Variants in KLHL1 observed in about 807,000 individuals in gnomAD.
KLHL1 encodes the protein kelch like family member 1.
In KLHL1, 47 loss-of-function variants were observed where a neutral mutation model predicts 77.7. The ratio of observed to expected loss-of-function variants is 0.60; its 90% confidence interval spans 0.48 to 0.77. The LOEUF is 0.77. KLHL1 is among the 30% of genes least tolerant of loss of function. The probability of loss-of-function intolerance (pLI) is 0.00; values close to 1 mark genes in which losing one functional copy is unlikely to be tolerated. For synonymous variants in KLHL1, 360 were observed against 325.2 expected (o/e 1.11, Z -1.15); for missense variants, 925 against 910.8 (o/e 1.02, Z -0.20).
At chr13:70,030,982 T>C (rs968469412) in intron 1 of KLHL1, among the ~76,000 whole-genome samples, 6 of 152,234 alleles carry the variant, frequency 3.9e-5, no homozygotes, top group Middle Eastern at 6.8e-3. Context: ...GCAAATAAAC[T>C]AGAAAATCTA....
chr13:69,851,385 C>T (rs1879683812), intron 5 of KLHL1, among the ~76,000 whole-genome samples: 1 of 151,674 alleles, frequency 6.6e-6, no homozygotes, highest in Admixed American at 6.6e-5. Context: ...ACTGAGGAGC[C>T]TGATGCAGAC....
rs1873625683 is a variant in KLHL1, at chr13:69,733,222, A to G, written c.1802+7172T>C. Among the ~76,000 whole-genome samples the G allele has an allele frequency of 2.0e-5, 3 of 149,836 alleles. No homozygotes were observed. In the South Asian group the frequency reaches 6.2e-4, roughly 31 times the overall value. The stretch of plus-strand genomic sequence containing the variant: ...AAAAGTTTGGGTTATACAAACACAT[A>G]TGAAAGATAAAAAAAAAATCACTGA... On this transcript the variant is annotated intron_variant, in intron 8 of 10. Transcript: ENST00000377844.
At position 69,917,392 on chromosome 13, in the gene KLHL1, C is replaced by G. The variant is rs187913364; in HGVS notation, c.1014+22648G>C. Among the ~76,000 whole-genome samples, 618 of 152,194 alleles carry G rather than the reference C, an allele frequency of 4.1e-3. 2 individuals carry two copies. Among genetic ancestry groups the G allele is most frequent in the Non-Finnish European group, 5.3e-3 (360 of 67,984 alleles). ...AGTAAGAAACTCCATATTACATTCACAATGACTGTAAATGTCTACTTTTTA... is the reference window on the plus strand; with the variant it reads ...AGTAAGAAACTCCATATTACATTCAGAATGACTGTAAATGTCTACTTTTTA... On this transcript the variant is annotated intron_variant, in intron 4 of 10. Coordinates refer to ENST00000377844, the MANE Select transcript of KLHL1 (RefSeq NM_020866.3).
In KLHL1 at chr13:69,802,898, C is replaced by G. The variant is rs919292687; in HGVS notation, c.1415-5936G>C. ...CTTGTCCTGCTACATTTCTGGGTTC[C>G]TACAATGTCCATTGATTATTTTCTA... is the stretch of plus-strand genomic sequence containing the variant. On this transcript the variant is annotated intron_variant, in intron 6 of 10. Coordinates refer to ENST00000377844, the MANE Select transcript of KLHL1 (RefSeq NM_020866.3). 4.6e-5 allele frequency: 7 copies of G among 152,066 alleles called. 1 individual carries two copies. Among genetic ancestry groups the G allele is most frequent in the African/African-American group, 1.7e-4 (7 of 41,398 alleles). 9.4% of individuals were successfully genotyped at this position (152,066 alleles called of 1,614,324 possible). A position where few individuals can be genotyped will look rare whatever the true frequency, so the allele number is the denominator to read the frequency against.
At chr13:70,027,126 G>A (rs1008915646) in intron 1 of KLHL1, among the ~76,000 whole-genome samples, 4 of 152,028 alleles carry the variant, frequency 2.6e-5, no homozygotes, top group African/African-American at 4.8e-5. Context: ...AATGAGAATA[G>A]AATGATTTAG....
chr13:69,967,514 G>T (rs1165772166), intron 2 of KLHL1, among the ~76,000 whole-genome samples: 1 of 152,176 alleles, frequency 6.6e-6, no homozygotes, highest in Non-Finnish European at 1.5e-5. Context: ...GATGAGCAAA[G>T]AAAATGATTC....
chr13:70,105,957 T>C (rs991993657), intron 1 of KLHL1, among the ~76,000 whole-genome samples: 2 of 150,700 alleles, frequency 1.3e-5, no homozygotes, highest in Non-Finnish European at 3.0e-5. Context: ...CATTAGAATA[T>C]GTTCAATCTC....
chr13:69,731,177 C>T (rs2137914233), intron 8 of KLHL1, among the ~76,000 whole-genome samples: 1 of 151,846 alleles, frequency 6.6e-6, no homozygotes, highest in African/African-American at 2.4e-5. Flanking sequence ...AGTAAAGTGA[C>T]AATATTAACA....
At chr13:69,787,671 A>G (rs1295332078) in intron 7 of KLHL1, among the ~76,000 whole-genome samples, 1 of 152,212 alleles carries the variant, frequency 6.6e-6, no homozygotes, top group Admixed American at 6.5e-5. Context: ...GGATCTAATT[A>G]AACTAAAGAG....
In KLHL1 at chr13:69,778,862, A is replaced by T. The variant is rs577068019; in HGVS notation, c.1639+17876T>A. On this transcript the variant is annotated intron_variant, in intron 7 of 10. Transcript: ENST00000377844. ...CACCGAGGCTGGAGTACAGTGGTGC[A>T]ATCTTGGCTTATCACAACTTCCACC... Among the ~76,000 whole-genome samples the T allele has an allele frequency of 1.4e-3, 199 of 138,900 alleles. 2 individuals carry two copies. Among genetic ancestry groups the T allele is most frequent in the Non-Finnish European group, 2.4e-3 (161 of 66,578 alleles). The allele number at this position is 138,900 out of a possible 152,430, so 91.1% of individuals were successfully genotyped here.
intron 1 of KLHL1, among the ~76,000 whole-genome samples, chr13:70,052,470 A>G (rs967815435): frequency 6.6e-6 from 1 of 151,948 alleles, no homozygotes; most frequent in African/African-American, 2.4e-5. Context: ...AAACCCTTAT[A>G]TATTTTATCT....
intron 2 of KLHL1, among the ~76,000 whole-genome samples, chr13:69,966,150 T>C (rs1188942678): frequency 6.6e-6 from 1 of 152,156 alleles, no homozygotes; most frequent in Non-Finnish European, 1.5e-5. Context: ...AAATTTTCAG[T>C]GTTGACCATA....
intron 7 of KLHL1, among the ~76,000 whole-genome samples, chr13:69,768,228 C>T (rs1201897379): frequency 1.3e-5 from 2 of 152,108 alleles, no homozygotes; most frequent in South Asian, 2.1e-4. Flanking sequence ...TTTTGTAAAA[C>T]TTGCATTTTT....
chr13:69,758,548 T>C (rs1281736225), intron 7 of KLHL1, among the ~76,000 whole-genome samples: 5 of 152,098 alleles, frequency 3.3e-5, no homozygotes, highest in African/African-American at 1.2e-4. Context: ...TAAAGCCACA[T>C]CTTTCTTTAT....
At chr13:70,070,623 A>C (rs539528689) in intron 1 of KLHL1, among the ~76,000 whole-genome samples, 1 of 152,236 alleles carries the variant, frequency 6.6e-6, no homozygotes, top group African/African-American at 2.4e-5. Flanking sequence ...GTTATTCAGA[A>C]TAAAGAAAAA....
chr13:69,859,194 T>C (rs947964398), intron 5 of KLHL1, among the ~76,000 whole-genome samples: 2 of 151,962 alleles, frequency 1.3e-5, no homozygotes, highest in Admixed American at 1.3e-4. Context: ...GACTGGTGTA[T>C]CTGCTCCCAT....
At position 69,718,406 on chromosome 13, in the gene KLHL1, T is replaced by C. The variant is rs572019348; in HGVS notation, c.2015+963A>G. On this transcript the variant is annotated intron_variant, in intron 9 of 10. Transcript: ENST00000377844. Reference sequence around the variant, plus strand: ...ACATAGAGACCAGCAATGATCAATATTCTAGGTTTTTTTTTCATTTTGAGT... The same window carrying C: ...ACATAGAGACCAGCAATGATCAATACTCTAGGTTTTTTTTTCATTTTGAGT... 4.0e-3 allele frequency among the ~76,000 whole-genome samples: 439 copies of C among 109,336 alleles called. 1 individual carries two copies. Among genetic ancestry groups the C allele is most frequent in the Middle Eastern group, 0.01 (2 of 200 alleles). The allele number at this position is 109,336 out of a possible 152,430, so 71.7% of individuals were successfully genotyped here. A position where few individuals can be genotyped will look rare whatever the true frequency, so the allele number is the denominator to read the frequency against.
chr13:69,976,117 C>T (rs113807045), intron 1 of KLHL1, among the ~76,000 whole-genome samples: 32 of 151,944 alleles, frequency 2.1e-4, no homozygotes, highest in African/African-American at 7.7e-4. Flanking sequence ...TATTTACATG[C>T]CTATTCTAAA....
chr13:69,768,583 T>G (rs2137977849), intron 7 of KLHL1, among the ~76,000 whole-genome samples: 1 of 152,242 alleles, frequency 6.6e-6, no homozygotes, highest in Admixed American at 6.5e-5. Flanking sequence ...GATAAAACAT[T>G]GAGAAAATTT....
Sources: gnomAD v4.1 joint callset for allele counts (sites outside exome capture counted in the v4.1 genomes callset) on GRCh38, gnomAD v4.1.1 for gene constraint, MANE v1.5 for transcripts, NCBI Gene and HGNC (gene_info 2026-07-23, HGNC 2026-07-21) for gene names.